The following CPD variants were observed in gnomAD, a reference collection of about 807,000 sequenced individuals.
CPD encodes the protein carboxypeptidase D, also known as metallocarboxypeptidase D.
In CPD, 69 loss-of-function variants were observed where a neutral mutation model predicts 138.3. The observed-to-expected ratio is 0.50, with a 90% CI of 0.41 to 0.61. The LOEUF is 0.61. Among genes scored for constraint, CPD ranks in the 20% least tolerant of loss-of-function variants. The pLI is 0.00. For missense variants in CPD, 1,432 were observed against 1,733.3 expected (o/e 0.83, Z 3.09); for synonymous variants, 651 against 642.1 (o/e 1.01, Z -0.21).
chr17:30,409,967 C>T (rs1186015817), intron 2 of CPD, among the ~76,000 whole-genome samples: 1 of 152,284 alleles, frequency 6.6e-6, no homozygotes, highest in African/African-American at 2.4e-5. Context: ...AATTTTAGCT[C>T]TTTCCTGCTT....
At position 30,468,923 on chromosome 17, in the gene CPD, C is replaced by T. The variant is rs1327517397; in HGVS notation, c.*4109C>T. 2.0e-5 allele frequency: 3 copies of T among 152,146 alleles called. No individual in the cohort carries two copies. In the East Asian group the frequency reaches 5.8e-4, roughly 29 times the overall value. The allele number at this position is 152,146 out of a possible 1,614,324, so 9.4% of individuals were successfully genotyped here. On this transcript the variant is annotated 3_prime_UTR_variant, in exon 21 of 21. Coordinates refer to ENST00000225719, the MANE Select transcript of CPD (RefSeq NM_001304.5). ...CCACAGTTTTCTGTTTGTAGCTCAGCTAGATTGTTATATATGTTCAATCAT... is the reference window on the plus strand; with the variant it reads ...CCACAGTTTTCTGTTTGTAGCTCAGTTAGATTGTTATATATGTTCAATCAT...
At chr17:30,434,445 G>A (rs534216538) in intron 8 of CPD, among the ~76,000 whole-genome samples, 63 of 152,210 alleles carry the variant, frequency 4.1e-4, no homozygotes, top group African/African-American at 1.3e-3. Context: ...AGGTAATTTG[G>A]AATGACCACC....
chr17:30,439,383 A>C, intron 9 of CPD, among the ~76,000 whole-genome samples: 1 of 97,132 alleles, frequency 1.0e-5, no homozygotes. Context: ...TTTTCTTTAC[A>C]ACGTTACTTT....
intron 2 of CPD, among the ~76,000 whole-genome samples, chr17:30,410,160 T>C (rs1315005217): frequency 6.6e-6 from 1 of 152,152 alleles, no homozygotes; most frequent in Non-Finnish European, 1.5e-5. Flanking sequence ...CATGTAGTTG[T>C]GTAGTTTTGA....
chr17:30,415,456 A>T (rs1912079827), intron 2 of CPD, among the ~76,000 whole-genome samples: 1 of 152,224 alleles, frequency 6.6e-6, no homozygotes, highest in East Asian at 1.9e-4. Context: ...GGCAGCCTAC[A>T]GAAAGGAAAA....
intron 2 of CPD, among the ~76,000 whole-genome samples, chr17:30,385,576 A>G (rs1187333104): frequency 1.4e-5 from 2 of 146,888 alleles, no homozygotes; most frequent in African/African-American, 4.9e-5. Flanking sequence ...TAGGTTGCAG[A>G]TTTCACAACA....
intron 1 of CPD, among the ~76,000 whole-genome samples, chr17:30,380,981 G>T (rs902863449): frequency 6.6e-6 from 1 of 152,172 alleles, no homozygotes; most frequent in Non-Finnish European, 1.5e-5. Context: ...TTTCCCTGCG[G>T]GACTTGGAAT....
Position 30,401,373 on chromosome 17 carries a change from T to C in CPD, c.994+16137T>C, listed in dbSNP as rs185506089. On this transcript the variant is annotated intron_variant, in intron 2 of 20. Coordinates refer to ENST00000225719, the MANE Select transcript of CPD (RefSeq NM_001304.5). The stretch of plus-strand genomic sequence containing the variant: ...CTCTTCCTCTTCTTCCTCCTCTTCC[T>C]CTTCTTCCTCCTCTTCCTCTTCTTC... 8.5e-3 allele frequency among the ~76,000 whole-genome samples: 1,293 copies of C among 151,548 alleles called. 21 individuals are homozygous for C. The highest frequency in any genetic ancestry group is 0.03 in the African/African-American group (1,242 of 41,222).
rs961143867 is a variant in CPD at position 30,379,379 on chromosome 17, G to C, written c.399G>C (p.Lys133Asn). Residue 133 changes from lysine (K) to asparagine (N), a missense_variant, in exon 1 of 21, where the codon AAG becomes AAC. This residue lies in a region of CPD where 484 missense variants were observed against 477.2 expected (regional missense o/e 1.01). Transcript: ENST00000225719. This position sits in a 1 kb window ranked among gnomAD's most constrained non-coding sequence, Gnocchi z 7.0. ...GPLLPGRPQVKLVGNMHGDET... is the reference protein window; with the variant it reads ...GPLLPGRPQVNLVGNMHGDET... ...TGCTGCCCGGCCGGCCCCAGGTGAA[G>C]CTGGTGGGCAACATGCATGGCGACG... 6.6e-7 allele frequency: 1 copy of C among 1,521,498 alleles called. No individual in the cohort carries two copies. The highest frequency in any genetic ancestry group is 1.2e-5 in the South Asian group (1 of 82,300). 94.2% of individuals were successfully genotyped at this position (1,521,498 alleles called of 1,614,324 possible).
chr17:30,458,053 G>T (rs1382853016), intron 17 of CPD, among the ~76,000 whole-genome samples: 1 of 152,032 alleles, frequency 6.6e-6, no homozygotes, highest in Non-Finnish European at 1.5e-5. Context: ...AATTAGCTGG[G>T]CGTGGTGGCA....
rs752400596 is a variant in CPD, at chr17:30,449,785, A to G, written c.3069+37A>G. On this transcript the variant is annotated intron_variant, in intron 13 of 20. Transcript: ENST00000225719. The stretch of plus-strand genomic sequence containing the variant: ...GCCGAGGTTGACATGCTTTAAAAGG[A>G]AAAAGCTCAACATTAATATCAGGGC... The G allele has an allele frequency of 3.9e-5, 59 of 1,511,424 alleles. No individual in the cohort carries two copies. The African/African-American group carries it at 7.0e-4, about 18-fold the overall frequency. The allele number at this position is 1,511,424 out of a possible 1,614,324, so 93.6% of individuals were successfully genotyped here.
In CPD at chr17:30,467,572, G is replaced by T. The variant is rs906569279; in HGVS notation, c.*2758G>T. The T allele has an allele frequency of 3.3e-5, 5 of 152,070 alleles. No homozygotes were observed. The highest frequency in any genetic ancestry group is 7.2e-5 in the African/African-American group (3 of 41,416). The allele number at this position is 152,070 out of a possible 1,614,324, so 9.4% of individuals were successfully genotyped here. ...AGAAAGGAAACATATTGTATATTTG[G>T]CCCAGTGTGATTGATTGCTTTATCT... On this transcript the variant is annotated 3_prime_UTR_variant, in exon 21 of 21. Transcript: ENST00000225719.
At chr17:30,407,865 G>C (rs1039912746) in intron 2 of CPD, among the ~76,000 whole-genome samples, 7 of 152,036 alleles carry the variant, frequency 4.6e-5, no homozygotes, top group Non-Finnish European at 8.8e-5. Flanking sequence ...CATTGCTTTT[G>C]GTGTTTTAGT....
chr17:30,456,275 G>A lies in CPD; in HGVS notation c.3357G>A (p.Leu1119=), dbSNP rs376102015. 3.0e-5 allele frequency: 48 copies of A among 1,613,740 alleles called. No individual in the cohort carries two copies. The highest frequency in any genetic ancestry group is 3.6e-5 in the Non-Finnish European group (42 of 1,179,856). The change falls in exon 16 of 21, where the codon CTG becomes CTA. Residue 1119 remains leucine, a synonymous_variant. Coordinates refer to ENST00000225719, the MANE Select transcript of CPD (RefSeq NM_001304.5). ...PVQTVENKET[L]KHLASLYANN... ...CTATAGTGGAAAATAAAGAGACTCT[G>A]AAGCATTTGGCATCTCTTTATGCAA... is the stretch of plus-strand genomic sequence containing the variant.
chr17:30,442,191 C>T, intron 9 of CPD, 117 bp from the exon 10 acceptor site: 2 of 857,384 alleles, frequency 2.3e-6, no homozygotes, highest in Non-Finnish European at 3.6e-6. Flanking sequence ...AACACGTTAG[C>T]TTATCAATGC....
intron 9 of CPD, among the ~76,000 whole-genome samples, chr17:30,439,394 C>CTTTTTTTTTTTTTTTTTTTTTT (rs71138889): frequency 8.0e-6 from 1 of 124,666 alleles, no homozygotes; most frequent in African/African-American, 3.1e-5. Context: ...ACGTTACTTT[C>CTTTTTTTTTTTTTTTTTTTTTT]TTTTTTTTTT....
At chr17:30,380,749 C>A in intron 1 of CPD, 1 of 752,840 alleles carries the variant, frequency 1.3e-6, no homozygotes, top group South Asian at 2.0e-5. Context: ...AGAGCTTGAG[C>A]TATCTCCAGA....
intron 6 of CPD, among the ~76,000 whole-genome samples, chr17:30,425,841 TCTC>T (rs1912391448): frequency 6.6e-6 from 1 of 152,178 alleles, no homozygotes; most frequent in South Asian, 2.1e-4. Flanking sequence ...TGGTTTTACC[TCTC>T]TGTTCAAAAT....
chr17:30,379,751 G>T lies in CPD; in HGVS notation c.746+25G>T, dbSNP rs1055120512. 7.1e-7 allele frequency: 1 copy of T among 1,413,750 alleles called. No homozygotes were observed. The highest frequency in any genetic ancestry group is 9.2e-7 in the Non-Finnish European group (1 of 1,087,148). The allele number at this position is 1,413,750 out of a possible 1,614,324, so 87.6% of individuals were successfully genotyped here. A position where few individuals can be genotyped will look rare whatever the true frequency, so the allele number is the denominator to read the frequency against. On this transcript the variant is annotated intron_variant, in intron 1 of 20. Coordinates refer to ENST00000225719, the MANE Select transcript of CPD (RefSeq NM_001304.5). This position sits in a 1 kb window ranked among gnomAD's most constrained non-coding sequence, Gnocchi z 7.0. ...AGTGAGTGTTGCCTGCCCCCTCCCC[G>T]TCCGTGTGAGCCTCCAAGGGCCGAG... is the stretch of plus-strand genomic sequence containing the variant.
Sources: gnomAD v4.1 joint callset for allele counts (sites outside exome capture counted in the v4.1 genomes callset) on GRCh38, gnomAD v4.1.1 for gene constraint, gnomAD v4.1.1 regional missense constraint, Gnocchi (gnomAD v3.1) non-coding constraint, MANE v1.5 for transcripts, NCBI Gene and HGNC (gene_info 2026-07-23, HGNC 2026-07-21) for gene names.